GFM2: variants seen among roughly 807,000 people sequenced by gnomAD.
The protein encoded by GFM2 is GTP dependent ribosome recycling factor mitochondrial 2.
A neutral mutation model predicts 95.4 loss-of-function variants in GFM2; 72 were observed. That is an observed-to-expected ratio of 0.76 (90% CI 0.62 to 0.92). The LOEUF (loss-of-function observed/expected upper bound fraction) is 0.92. Among genes scored for constraint, GFM2 ranks in the 40% least tolerant of loss-of-function variants. GFM2 has a pLI of 0.00. For missense variants in GFM2, 825 were observed against 924.1 expected (o/e 0.89, Z 1.39); for synonymous variants, 276 against 317.5 (o/e 0.87, Z 1.39).
chr5:74,762,747 T>C (rs1171842507), intron 2 of GFM2, among the ~76,000 whole-genome samples: 2 of 152,182 alleles, frequency 1.3e-5, no homozygotes, highest in East Asian at 1.9e-4. Flanking sequence ...TACTGACTCA[T>C]GGGTGGGGAG....
At chr5:74,766,067 A>G (rs1398597901) in intron 1 of GFM2, among the ~76,000 whole-genome samples, 1 of 152,218 alleles carries the variant, frequency 6.6e-6, no homozygotes, top group Non-Finnish European at 1.5e-5. Flanking sequence ...ACACTTTGGG[A>G]GGCCGAGGCG....
In GFM2 at chr5:74,739,972, T is replaced by C; in HGVS notation, c.1079+17A>G. 1.4e-6 allele frequency: 2 copies of C among 1,462,266 alleles called. No individual in the cohort carries two copies. The highest frequency in any genetic ancestry group is 1.8e-6 in the Non-Finnish European group (2 of 1,102,528). The allele number at this position is 1,462,266 out of a possible 1,614,324, so 90.6% of individuals were successfully genotyped here. ...TTCAAAGCTATAGAATTTTAATATA[T>C]GTGATTGCATACTTACAGAAATTCA... On this transcript the variant is annotated intron_variant, in intron 12 of 20. Transcript: ENST00000296805.
intron 20 of GFM2, 98 bp downstream of exon 20, chr5:74,722,281 C>T: frequency 2.1e-6 from 2 of 966,916 alleles, no homozygotes; most frequent in Non-Finnish European, 3.1e-6. Context: ...TAAATCAAAG[C>T]CTTAATGTTT....
intron 5 of GFM2, among the ~76,000 whole-genome samples, chr5:74,753,897 C>T (rs1470797191): frequency 2.6e-5 from 4 of 152,102 alleles, no homozygotes; most frequent in Non-Finnish European, 4.4e-5. Flanking sequence ...AAAAGATCAT[C>T]GTTTAGGCAC....
intron 7 of GFM2, among the ~76,000 whole-genome samples, chr5:74,749,683 T>C (rs1411928163): frequency 1.3e-5 from 2 of 152,330 alleles, no homozygotes; most frequent in East Asian, 3.9e-4. Flanking sequence ...AATACTATTA[T>C]TGCATTCAGG....
intron 16 of GFM2, 72 bp from the exon 17 acceptor site, chr5:74,730,470 T>G: frequency 9.6e-7 from 1 of 1,045,696 alleles, no homozygotes; most frequent in Non-Finnish European, 1.3e-6. Context: ...TATAAAAGTA[T>G]GATGTTAATA....
intron 8 of GFM2, among the ~76,000 whole-genome samples, chr5:74,746,378 T>G (rs916836696): frequency 3.3e-5 from 5 of 152,246 alleles, no homozygotes; most frequent in Non-Finnish European, 7.3e-5. Context: ...GTAATTACCC[T>G]AATCCAGCCA....
intron 19 of GFM2, among the ~76,000 whole-genome samples, chr5:74,722,895 C>G (rs1038312496): frequency 4.0e-5 from 6 of 151,862 alleles, no homozygotes; most frequent in Non-Finnish European, 8.8e-5. Flanking sequence ...ACAGTCCATG[C>G]CATGCCACAT....
intron 2 of GFM2, among the ~76,000 whole-genome samples, chr5:74,761,317 T>C (rs1157821874): frequency 6.6e-6 from 1 of 152,212 alleles, no homozygotes; most frequent in African/African-American, 2.4e-5. Context: ...CTCTTGGGGA[T>C]GGAGCCAAAC....
intron 5 of GFM2, among the ~76,000 whole-genome samples, chr5:74,757,862 A>G (rs1744077013): frequency 1.3e-5 from 2 of 152,262 alleles, no homozygotes; most frequent in South Asian, 4.1e-4. Flanking sequence ...AATACTTACG[A>G]TTCCATTTAT....
intron 2 of GFM2, among the ~76,000 whole-genome samples, chr5:74,761,624 A>C (rs890705196): frequency 6.6e-6 from 1 of 152,022 alleles, no homozygotes; most frequent in Non-Finnish European, 1.5e-5. Context: ...AGTGGCATTT[A>C]AAAAAAATTC....
chr5:74,758,533 C>A (rs769850206), intron 5 of GFM2, among the ~76,000 whole-genome samples: 1 of 152,118 alleles, frequency 6.6e-6, no homozygotes, highest in African/African-American at 2.4e-5. Context: ...CAGATAGCTA[C>A]GGGGACTGCT....
At chr5:74,727,100 C>T (rs1026129139) in intron 17 of GFM2, among the ~76,000 whole-genome samples, 1 of 152,236 alleles carries the variant, frequency 6.6e-6, no homozygotes, top group Non-Finnish European at 1.5e-5. Context: ...CCCAGGAGTT[C>T]AAGGCTACAG....
intron 7 of GFM2, among the ~76,000 whole-genome samples, chr5:74,748,918 A>AAT (rs1391642193): frequency 4.6e-4 from 64 of 139,034 alleles, no homozygotes; most frequent in Admixed American, 1.0e-3. Flanking sequence ...ATAAAAAAAT[A>AAT]AAAAAAAATA....
chr5:74,745,930 T>A, intron 9 of GFM2, 73 bp from the exon 10 acceptor site: 1 of 1,320,592 alleles, frequency 7.6e-7, no homozygotes, highest in Non-Finnish European at 1.1e-6. Flanking sequence ...AAGTCTTTTC[T>A]AATTGTACCA....
At chr5:74,737,131 A>G in intron 14 of GFM2, 146 bp from the exon 15 acceptor site, 1 of 718,334 alleles carries the variant, frequency 1.4e-6, no homozygotes, top group East Asian at 2.7e-5. Flanking sequence ...AAAGCTCATT[A>G]ATAACTTTGC....
At chr5:74,734,782 CAT>C (rs1252953275) in intron 15 of GFM2, among the ~76,000 whole-genome samples, 1 of 152,128 alleles carries the variant, frequency 6.6e-6, no homozygotes, top group Non-Finnish European at 1.5e-5. Flanking sequence ...AAAAAAGAAA[CAT>C]GTAGATCTGC....
chr5:74,733,164 G>T, intron 15 of GFM2, 66 bp from the exon 16 acceptor site: 3 of 1,182,910 alleles, frequency 2.5e-6, no homozygotes, highest in Non-Finnish European at 3.7e-6. Flanking sequence ...TGTTCTAGTG[G>T]GTAAAACAGA....
At chr5:74,749,896 C>A (rs1743606883) in intron 7 of GFM2, among the ~76,000 whole-genome samples, 1 of 152,094 alleles carries the variant, frequency 6.6e-6, no homozygotes, top group Non-Finnish European at 1.5e-5. Context: ...AGATATTTTT[C>A]TTCTAGAAGC....
Sources: allele counts gnomAD v4.1 joint callset (sites outside exome capture counted in the v4.1 genomes callset), GRCh38; gene constraint gnomAD v4.1.1; transcripts MANE v1.5; gene names NCBI Gene and HGNC (gene_info 2026-07-23, HGNC 2026-07-21).